The following GSK3B variants were observed in gnomAD, a reference collection of about 807,000 sequenced individuals.
The protein encoded by GSK3B is glycogen synthase kinase 3 beta.
GSK3B carries 15 observed loss-of-function variants against 56.4 expected under a neutral mutation model. The observed-to-expected ratio is 0.27, with a 90% confidence interval of 0.18 to 0.41. The LOEUF is 0.41. Ranked by LOEUF, GSK3B falls within the 10% of genes least tolerant of loss-of-function variation. The pLI is 1.00. For missense variants in GSK3B, 300 were observed against 513.4 expected (o/e 0.58, Z 4.02); for synonymous variants, 181 against 188.9 (o/e 0.96, Z 0.34).
intron 1 of GSK3B, among the ~76,000 whole-genome samples, chr3:120,062,126 C>T (rs959672811): frequency 6.6e-6 from 1 of 152,160 alleles, no homozygotes; most frequent in African/African-American, 2.4e-5. Flanking sequence ...TTGGGGAACA[C>T]AGAGTATAAT....
chr3:119,878,384 A>G (rs1371027185), intron 7 of GSK3B, among the ~76,000 whole-genome samples: 1 of 152,130 alleles, frequency 6.6e-6, no homozygotes, highest in Non-Finnish European at 1.5e-5. Flanking sequence ...ATCATTAATC[A>G]TTAGGGAAAT....
intron 1 of GSK3B, among the ~76,000 whole-genome samples, chr3:120,021,385 G>A (rs1400494536): frequency 1.3e-5 from 2 of 151,610 alleles, no homozygotes; most frequent in African/African-American, 4.8e-5. Flanking sequence ...GCATGGTGGC[G>A]GGCACCTGTA....
intron 4 of GSK3B, among the ~76,000 whole-genome samples, chr3:119,917,524 T>A (rs2056793276): frequency 6.6e-6 from 1 of 152,052 alleles, no homozygotes. Context: ...ACTGTAGGAG[T>A]TTAATTCATT....
At chr3:120,071,937 G>A (rs2058329949) in intron 1 of GSK3B, among the ~76,000 whole-genome samples, 1 of 152,170 alleles carries the variant, frequency 6.6e-6, no homozygotes, top group South Asian at 2.1e-4. Flanking sequence ...AGGGCTTATT[G>A]CAAAGTTAAC....
chr3:120,094,088 T>G lies in GSK3B; in HGVS notation c.-654A>C. On this transcript the variant is annotated 5_prime_UTR_variant, in exon 1 of 11. Coordinates refer to ENST00000264235, the MANE Select transcript of GSK3B (RefSeq NM_001146156.2). ...CTCTCCTCATTGCGCCAGGAGCAGC[T>G]GCAGGCGGCGGCTGGATCCAGCGGC... is the stretch of plus-strand genomic sequence containing the variant. 1 of 227,248 alleles carries G rather than the reference T, an allele frequency of 4.4e-6. No individual in the cohort carries two copies. The highest frequency in any genetic ancestry group is 8.8e-6 in the Non-Finnish European group (1 of 114,168). The allele number at this position is 227,248 out of a possible 1,614,324, so 14.1% of individuals were successfully genotyped here. A position where few individuals can be genotyped will look rare whatever the true frequency, so the allele number is the denominator to read the frequency against.
At chr3:119,901,069 G>A (rs2056619822) in intron 7 of GSK3B, among the ~76,000 whole-genome samples, 2 of 152,096 alleles carry the variant, frequency 1.3e-5, no homozygotes, top group Admixed American at 6.6e-5. Flanking sequence ...AAGCTCCACT[G>A]CTATGGCCAA....
At chr3:119,918,297 AC>A (rs936871821) in intron 4 of GSK3B, among the ~76,000 whole-genome samples, 23 of 150,420 alleles carry the variant, frequency 1.5e-4, no homozygotes, top group African/African-American at 5.1e-4. Context: ...ACATGGTGAA[AC>A]CCCGTCTCTA....
intron 2 of GSK3B, among the ~76,000 whole-genome samples, chr3:119,968,745 T>G (rs994930009): frequency 2.6e-5 from 4 of 152,060 alleles, no homozygotes; most frequent in Admixed American, 2.6e-4. Flanking sequence ...GTATACAGAT[T>G]GGTACAGAAA....
chr3:119,955,325 T>A lies in GSK3B; in HGVS notation c.283-7974A>T, dbSNP rs538992954. On this transcript the variant is annotated intron_variant, in intron 2 of 10. Transcript: ENST00000264235. ...GATATTTTACTATTTATGAGGTACA[T>A]GGATATTTTGTTCCATGCATAGAAC... is the stretch of plus-strand genomic sequence containing the variant. Among the ~76,000 whole-genome samples the A allele has an allele frequency of 1.3e-4, 20 of 152,048 alleles. No homozygotes were observed. The South Asian group carries it at 3.5e-3, about 27-fold the overall frequency.
intron 2 of GSK3B, among the ~76,000 whole-genome samples, chr3:119,953,571 C>A (rs557669483): frequency 6.6e-6 from 1 of 152,272 alleles, no homozygotes; most frequent in South Asian, 2.1e-4. Context: ...CCACTGCCTA[C>A]AAGATAAAGT....
At chr3:119,830,077 A>G (rs1366864330) in intron 10 of GSK3B, among the ~76,000 whole-genome samples, 1 of 152,210 alleles carries the variant, frequency 6.6e-6, no homozygotes, top group Non-Finnish European at 1.5e-5. Flanking sequence ...AAAACAAAAA[A>G]AGGCAAAGTT....
At chr3:119,933,825 A>G (rs1402847162) in intron 3 of GSK3B, among the ~76,000 whole-genome samples, 2 of 152,142 alleles carry the variant, frequency 1.3e-5, no homozygotes, top group East Asian at 1.9e-4. Context: ...TGCAGTGAGC[A>G]GAGATCAAGC....
At chr3:119,993,266 G>C (rs1286134518) in intron 2 of GSK3B, among the ~76,000 whole-genome samples, 1 of 151,676 alleles carries the variant, frequency 6.6e-6, no homozygotes, top group Admixed American at 6.6e-5. Context: ...AAAATAGAAA[G>C]AATCGAAAAG....
chr3:119,959,678 C>T (rs1299660307), intron 2 of GSK3B, among the ~76,000 whole-genome samples: 1 of 151,888 alleles, frequency 6.6e-6, no homozygotes, highest in Non-Finnish European at 1.5e-5. Flanking sequence ...CCATGCCCAG[C>T]TAATTTTTTT....
chr3:120,078,543 C>T (rs2058385777), intron 1 of GSK3B, among the ~76,000 whole-genome samples: 2 of 144,058 alleles, frequency 1.4e-5, no homozygotes, highest in Non-Finnish European at 3.0e-5. Flanking sequence ...AGAACTTCTC[C>T]TCTTTTTTTT....
chr3:119,874,884 T>C (rs1306237498), intron 8 of GSK3B, among the ~76,000 whole-genome samples: 3 of 152,082 alleles, frequency 2.0e-5, no homozygotes, highest in African/African-American at 7.2e-5. Flanking sequence ...AATCACTTAC[T>C]ATAAACAATT....
chr3:119,906,395 A>G (rs2107447450), intron 6 of GSK3B, among the ~76,000 whole-genome samples: 1 of 152,268 alleles, frequency 6.6e-6, no homozygotes, highest in East Asian at 1.9e-4. Context: ...TGGAATAGCA[A>G]TGATGGAGGA....
intron 9 of GSK3B, among the ~76,000 whole-genome samples, chr3:119,846,029 T>C (rs1348568855): frequency 6.6e-6 from 1 of 151,954 alleles, no homozygotes; most frequent in Non-Finnish European, 1.5e-5. Flanking sequence ...GACAAACCTA[T>C]CAAAAACAAG....
At chr3:119,980,282 T>C (rs2057447679) in intron 2 of GSK3B, among the ~76,000 whole-genome samples, 1 of 152,224 alleles carries the variant, frequency 6.6e-6, no homozygotes, top group South Asian at 2.1e-4. Flanking sequence ...CTCGGCCAAA[T>C]ACTGTAAGGT....
Sources: gnomAD v4.1 joint callset for allele counts (sites outside exome capture counted in the v4.1 genomes callset) on GRCh38, gnomAD v4.1.1 for gene constraint, MANE v1.5 for transcripts, NCBI Gene and HGNC (gene_info 2026-07-23, HGNC 2026-07-21) for gene names.